Variants in CACNA1C observed in about 807,000 individuals in gnomAD.
CACNA1C encodes the protein calcium voltage-gated channel subunit alpha1 C.
CACNA1C carries 30 observed loss-of-function variants against 229.0 expected under a neutral mutation model. The ratio of observed to expected loss-of-function variants is 0.13; its 90% confidence interval spans 0.10 to 0.18. The LOEUF is 0.18. Among genes scored for constraint, CACNA1C ranks in the 10% least tolerant of loss-of-function variants. The pLI, the probability that CACNA1C is intolerant of heterozygous loss-of-function variation, is 1.00. For missense variants in CACNA1C, 1,658 were observed against 2,845.0 expected, an observed-to-expected ratio of 0.58 and a Z score of 9.49; for synonymous variants, 1,114 against 1,132.5, an observed-to-expected ratio of 0.98 and a Z score of 0.33.
rs774680538 is a variant in CACNA1C at position 2,602,007 on chromosome 12, G to A, written c.2960+47G>A. On this transcript the variant is annotated intron_variant, in intron 22 of 46. Coordinates refer to ENST00000399655, the MANE Select transcript of CACNA1C (RefSeq NM_000719.7). The surrounding 1 kb of genome is among the most constrained non-coding windows in gnomAD (Gnocchi z 4.4). ...CACGATGGGCCATGCAGCTAGCAAG[G>A]GGTGCCAGAGAGGACAACCAGACCC... 7.7e-6 allele frequency: 10 copies of A among 1,296,664 alleles called. No individual in the cohort carries two copies. Among genetic ancestry groups the A allele is most frequent in the Non-Finnish European group, 1.1e-5 (10 of 890,812 alleles). The allele number at this position is 1,296,664 out of a possible 1,614,324, so 80.3% of individuals were successfully genotyped here. A position where few individuals can be genotyped will look rare whatever the true frequency, so the allele number is the denominator to read the frequency against.
intron 3 of CACNA1C, among the ~76,000 whole-genome samples, chr12:2,276,904 A>G (rs1197769055): frequency 6.6e-6 from 1 of 152,082 alleles, no homozygotes; most frequent in East Asian, 1.9e-4. Flanking sequence ...GGGAGACCAG[A>G]GAGACCAGAG....
chr12:2,212,116 A>G (rs1361949222), intron 3 of CACNA1C, among the ~76,000 whole-genome samples: 2 of 152,226 alleles, frequency 1.3e-5, no homozygotes, highest in South Asian at 2.1e-4. Flanking sequence ...GAGCAGTTAA[A>G]GAACCAAGAA....
rs373096467 is a variant in CACNA1C at position 2,591,710 on chromosome 12, C to G, written c.2531-1503C>G. Among the ~76,000 whole-genome samples, 12 of 152,308 alleles carry G rather than the reference C, an allele frequency of 7.9e-5. No homozygotes were observed. In the South Asian group the frequency reaches 2.3e-3, roughly 29 times the overall value. Reference sequence around the variant, plus strand: ...TGTCAGCTCACTAGGGCTGCCATAACCAGTGACCACACACTGGGCAGCTTA... The same window carrying G: ...TGTCAGCTCACTAGGGCTGCCATAAGCAGTGACCACACACTGGGCAGCTTA... On this transcript the variant is annotated intron_variant, in intron 18 of 46. Transcript: ENST00000399655.
At chr12:2,656,862 A>G (rs2095450032) in intron 34 of CACNA1C, among the ~76,000 whole-genome samples, 2 of 152,240 alleles carry the variant, frequency 1.3e-5, no homozygotes, top group Non-Finnish European at 2.9e-5. Context: ...TAGTGTTGCC[A>G]AAGAGGAAAA....
At chr12:1,997,340 A>G (rs1455550310) in intron 1 of CACNA1C, among the ~76,000 whole-genome samples, 1 of 152,180 alleles carries the variant, frequency 6.6e-6, no homozygotes, top group African/African-American at 2.4e-5. Context: ...CAGCCTGACC[A>G]ACATGGTGAA....
At chr12:2,040,223 T>C (rs1566005221) in intron 1 of CACNA1C, among the ~76,000 whole-genome samples, 1 of 152,174 alleles carries the variant, frequency 6.6e-6, no homozygotes, top group Non-Finnish European at 1.5e-5. Context: ...CTATCAAAGA[T>C]GGCTTAAATG....
intron 3 of CACNA1C, among the ~76,000 whole-genome samples, chr12:2,145,439 G>A (rs2094613286): frequency 6.6e-6 from 1 of 151,130 alleles, no homozygotes; most frequent in South Asian, 2.1e-4. Flanking sequence ...TCTATAAATT[G>A]AAATCAGCTT....
intron 3 of CACNA1C, among the ~76,000 whole-genome samples, chr12:2,202,699 T>C (rs544538572): frequency 1.8e-3 from 272 of 152,278 alleles, no homozygotes; most frequent in African/African-American, 6.4e-3. Flanking sequence ...TTGCTTCACG[T>C]GGGAAGGAGT....
chr12:2,511,289 T>C (rs2099783144), intron 8 of CACNA1C, among the ~76,000 whole-genome samples: 1 of 152,126 alleles, frequency 6.6e-6, no homozygotes, highest in Admixed American at 6.5e-5. Flanking sequence ...CGGTGCATGC[T>C]GAAATTAGTG....
chr12:2,520,881 G>A (rs187891014), intron 9 of CACNA1C, among the ~76,000 whole-genome samples: 11 of 152,264 alleles, frequency 7.2e-5, no homozygotes, highest in South Asian at 6.2e-4. Flanking sequence ...GTGTGCTTCA[G>A]AGGAGTGGGA....
intron 10 of CACNA1C, among the ~76,000 whole-genome samples, chr12:2,551,305 G>T (rs1181028539): frequency 1.3e-5 from 2 of 152,180 alleles, no homozygotes; most frequent in Non-Finnish European, 2.9e-5. Context: ...AGAGCATGAG[G>T]CTCTGTTAGG....
intron 10 of CACNA1C, chr12:2,550,704 C>A: frequency 7.7e-7 from 1 of 1,300,720 alleles, no homozygotes; most frequent in Non-Finnish European, 1.0e-6. Flanking sequence ...GGGGGCGGGG[C>A]AGGGCGGCAT....
chr12:2,085,246 A>G (rs1395958053), intron 1 of CACNA1C, among the ~76,000 whole-genome samples: 2 of 152,080 alleles, frequency 1.3e-5, no homozygotes, highest in African/African-American at 4.8e-5. Flanking sequence ...TGTGAGTTCT[A>G]TTTTCAGACT....
chr12:2,139,327 A>T (rs1474013748), intron 3 of CACNA1C, among the ~76,000 whole-genome samples: 2 of 151,142 alleles, frequency 1.3e-5, no homozygotes, highest in Non-Finnish European at 3.0e-5. Flanking sequence ...GACAGCAGTC[A>T]TTGGATTAGG....
chr12:2,593,713 T>A (rs1033372043), intron 19 of CACNA1C, among the ~76,000 whole-genome samples: 3 of 152,242 alleles, frequency 2.0e-5, no homozygotes, highest in Non-Finnish European at 2.9e-5. Context: ...TTACATGGAA[T>A]TGTCGTTAGT....
chr12:2,252,037 T>G (rs1484288700), intron 3 of CACNA1C, among the ~76,000 whole-genome samples: 1 of 152,254 alleles, frequency 6.6e-6, no homozygotes, highest in Non-Finnish European at 1.5e-5. Flanking sequence ...ATGGAGTTTG[T>G]TTAATGAGTG....
At chr12:2,430,497 T>C (rs778565713) in intron 3 of CACNA1C, among the ~76,000 whole-genome samples, 7 of 152,158 alleles carry the variant, frequency 4.6e-5, no homozygotes, top group Non-Finnish European at 8.8e-5. Context: ...TACAGAAAAC[T>C]GTAGACCCAT....
At chr12:2,550,672 C>T (rs760866778) in intron 10 of CACNA1C, 3 of 1,343,172 alleles carry the variant, frequency 2.2e-6, no homozygotes, top group Non-Finnish European at 2.9e-6. Flanking sequence ...AGGTACAATG[C>T]ATTTCTGAAT....
At chr12:1,995,125 A>C (rs1232710021) in intron 1 of CACNA1C, among the ~76,000 whole-genome samples, 1 of 152,226 alleles carries the variant, frequency 6.6e-6, no homozygotes, top group Non-Finnish European at 1.5e-5. Context: ...AGAGACTTAG[A>C]GTATAGTAAG....
Sources: gnomAD v4.1 joint callset for allele counts (sites outside exome capture counted in the v4.1 genomes callset) on GRCh38, gnomAD v4.1.1 for gene constraint, Gnocchi (gnomAD v3.1) non-coding constraint, MANE v1.5 for transcripts, NCBI Gene and HGNC (gene_info 2026-07-23, HGNC 2026-07-21) for gene names.